The following DEPDC5 variants were observed in gnomAD, a reference collection of about 807,000 sequenced individuals.
DEPDC5 encodes the protein DEP domain containing 5, GATOR1 subcomplex subunit.
A neutral mutation model predicts 217.3 loss-of-function variants in DEPDC5; 73 were observed. That is an observed-to-expected ratio of 0.34 (90% CI 0.28 to 0.41). The LOEUF (loss-of-function observed/expected upper bound fraction) is 0.41. DEPDC5 is among the 10% of genes least tolerant of loss of function. The pLI, the probability that DEPDC5 is intolerant of heterozygous loss-of-function variation, is 1.00. For missense variants in DEPDC5, 1,675 were observed against 2,070.1 expected, an observed-to-expected ratio of 0.81 and a Z score of 3.70; for synonymous variants, 733 against 756.7, an observed-to-expected ratio of 0.97 and a Z score of 0.51.
At position 31,796,561 on chromosome 22, in the gene DEPDC5, GA is replaced by G. The variant is rs1204616256; in HGVS notation, c.768-1036del. On this transcript the variant is annotated intron_variant, in intron 12 of 42. Transcript: ENST00000651528. ...CCTTAGTTTTTATGATAAATTGCCA[GA>G]AATGGAGCCATTAGGTCAAAGGATA... Among the ~76,000 whole-genome samples the G allele has an allele frequency of 2.0e-5, 3 of 152,306 alleles. No homozygotes were observed. In the East Asian group the frequency reaches 5.8e-4, roughly 29 times the overall value.
intron 20 of DEPDC5, among the ~76,000 whole-genome samples, chr22:31,812,420 C>CTTTTTTTTTTTTTTTTTTTTTTTTTTT (rs57618137): frequency 1.0e-5 from 1 of 98,286 alleles, no homozygotes; most frequent in Non-Finnish European, 1.9e-5. Context: ...TTCCATATTT[C>CTTTTTTTTTTTTTTTTTTTTTTTTTTT]TTTTTTTTTT....
At chr22:31,860,182 A>G (rs1323695168) in intron 32 of DEPDC5, among the ~76,000 whole-genome samples, 2 of 152,240 alleles carry the variant, frequency 1.3e-5, no homozygotes, top group African/African-American at 4.8e-5. Context: ...ACAAAATGCT[A>G]TGAGATGGCC....
chr22:31,792,202 A>ACCC (rs2085743995), intron 11 of DEPDC5, 100 bp downstream of exon 11: 2 of 841,006 alleles, frequency 2.4e-6, no homozygotes, highest in Non-Finnish European at 3.9e-6. Flanking sequence ...GCACTTTTCC[A>ACCC]CCCTTCCCAT....
chr22:31,756,431 GCA>G (rs2081947769), intron 2 of DEPDC5, among the ~76,000 whole-genome samples: 1 of 152,154 alleles, frequency 6.6e-6, no homozygotes, highest in Non-Finnish European at 1.5e-5. Flanking sequence ...CTGCTAAAAT[GCA>G]CAGTCTATTG....
At chr22:31,794,916 C>T (rs1370016361) in intron 12 of DEPDC5, among the ~76,000 whole-genome samples, 1 of 151,996 alleles carries the variant, frequency 6.6e-6, no homozygotes, top group Admixed American at 6.6e-5. Flanking sequence ...AACAAAAGCA[C>T]ACCAGTATAG....
chr22:31,818,936 A>G (rs2089422131), intron 21 of DEPDC5, 86 bp from the exon 22 acceptor site: 1 of 1,371,694 alleles, frequency 7.3e-7, no homozygotes, highest in Non-Finnish European at 1.0e-6. Context: ...GATTCTTGTC[A>G]GCCTTGGTTT....
intron 26 of DEPDC5, 74 bp downstream of exon 26, chr22:31,837,229 A>C: frequency 1.3e-6 from 2 of 1,511,676 alleles, no homozygotes; most frequent in Admixed American, 1.8e-5. Flanking sequence ...GCATCAGAAC[A>C]CTGGATTTGT....
intron 22 of DEPDC5, among the ~76,000 whole-genome samples, chr22:31,820,818 A>C (rs1444850623): frequency 6.6e-6 from 1 of 152,194 alleles, no homozygotes; most frequent in Admixed American, 6.5e-5. Context: ...TCAGTAGCCA[A>C]GGCCCTCCTT....
At position 31,847,764 on chromosome 22, in the gene DEPDC5, C is replaced by G. The variant is rs932820192; in HGVS notation, c.3155+797C>G. ...CAAACCATATCATTTCACCCCTGGC[C>G]CCTCCCAGTTCTCATGTCCTTGCAT... On this transcript the variant is annotated intron_variant, in intron 31 of 42. Coordinates refer to ENST00000651528, the MANE Select transcript of DEPDC5 (RefSeq NM_001242896.3). 4.6e-5 allele frequency among the ~76,000 whole-genome samples: 7 copies of G among 152,248 alleles called. No homozygotes were observed. The East Asian group carries it at 1.2e-3, about 25-fold the overall frequency.
Position 31,905,890 on chromosome 22 carries a change from T to A in DEPDC5, c.4437-94T>A, listed in dbSNP as rs2093749327. The A allele has an allele frequency of 1.3e-5, 14 of 1,116,556 alleles. No individual in the cohort carries two copies. In the South Asian group the frequency reaches 2.0e-4, roughly 16 times the overall value. The allele number at this position is 1,116,556 out of a possible 1,614,324, so 69.2% of individuals were successfully genotyped here. A position where few individuals can be genotyped will look rare whatever the true frequency, so the allele number is the denominator to read the frequency against. ...AGAGATCTTTCCAGATCTCTGTGTC[T>A]CAGGCTGTCCGAGAGTCCTATCAGC... On this transcript the variant is annotated intron_variant, in intron 41 of 42. Coordinates refer to ENST00000651528, the MANE Select transcript of DEPDC5 (RefSeq NM_001242896.3).
At chr22:31,796,405 G>A (rs2148558595) in intron 12 of DEPDC5, among the ~76,000 whole-genome samples, 1 of 152,214 alleles carries the variant, frequency 6.6e-6, no homozygotes, top group Non-Finnish European at 1.5e-5. Context: ...CTGGCCCACT[G>A]TATCATTTTT....
intron 30 of DEPDC5, 135 bp from the exon 31 acceptor site, chr22:31,846,699 C>A: frequency 7.8e-7 from 1 of 1,275,322 alleles, no homozygotes; most frequent in Non-Finnish European, 1.1e-6. Flanking sequence ...TTACTGAACA[C>A]TGAGAACCTG....
At chr22:31,847,426 G>A (rs1346830721) in intron 31 of DEPDC5, among the ~76,000 whole-genome samples, 1 of 151,972 alleles carries the variant, frequency 6.6e-6, no homozygotes, top group Non-Finnish European at 1.5e-5. Flanking sequence ...ACCTGGGACT[G>A]AGTAATTTAT....
At chr22:31,799,045 CTTT>C (rs552961998) in intron 14 of DEPDC5, among the ~76,000 whole-genome samples, 9 of 138,622 alleles carry the variant, frequency 6.5e-5, no homozygotes, top group Non-Finnish European at 3.1e-5. Context: ...AGCAAACTTA[CTTT>C]TTTTTTTTTT....
intron 7 of DEPDC5, among the ~76,000 whole-genome samples, chr22:31,777,661 G>A (rs913865092): frequency 8.5e-5 from 13 of 152,186 alleles, no homozygotes; most frequent in South Asian, 4.2e-4. Context: ...ATCTGTTCAC[G>A]GAGTTCTCTG....
chr22:31,825,936 G>A (rs2090112049), intron 24 of DEPDC5, among the ~76,000 whole-genome samples: 1 of 152,174 alleles, frequency 6.6e-6, no homozygotes, highest in South Asian at 2.1e-4. Flanking sequence ...CTCATGAGCA[G>A]TGAAGCCCTC....
chr22:31,814,265 C>A (rs2088809427), intron 20 of DEPDC5: 1 of 152,132 alleles, frequency 6.6e-6, no homozygotes, highest in African/African-American at 2.4e-5. Context: ...TGGCACAAAG[C>A]TGATTAGTAT....
chr22:31,891,679 A>T (rs2149366565), intron 38 of DEPDC5, among the ~76,000 whole-genome samples: 1 of 152,302 alleles, frequency 6.6e-6, no homozygotes, highest in East Asian at 1.9e-4. Flanking sequence ...AAACTGTTGA[A>T]TTCATGGGGG....
At chr22:31,843,846 A>G (rs188331391) in intron 29 of DEPDC5, 34 bp downstream of exon 29, 1 of 1,567,274 alleles carries the variant, frequency 6.4e-7, no homozygotes, top group African/African-American at 1.3e-5. Flanking sequence ...CCATCTTTGC[A>G]TCCTTGGGCA....
Sources: allele counts gnomAD v4.1 joint callset (sites outside exome capture counted in the v4.1 genomes callset), GRCh38; gene constraint gnomAD v4.1.1; transcripts MANE v1.5; gene names NCBI Gene and HGNC (gene_info 2026-07-23, HGNC 2026-07-21).